The following PPP2R3B variants were observed in gnomAD, a reference collection of about 807,000 sequenced individuals.
PPP2R3B encodes the protein serine/threonine-protein phosphatase 2A regulatory subunit B'' subunit beta.
A neutral mutation model predicts 72.9 loss-of-function variants in PPP2R3B; 68 were observed. That is an observed-to-expected ratio of 0.93 (90% CI 0.77 to 1.14). PPP2R3B has a LOEUF of 1.14. Among genes scored for constraint, PPP2R3B ranks in the 50% most tolerant of loss-of-function variants. The probability of loss-of-function intolerance (pLI) is 0.00; values close to 1 mark genes in which losing one functional copy is unlikely to be tolerated. For missense variants in PPP2R3B, 1,018 were observed against 842.0 expected, an observed-to-expected ratio of 1.21 and a Z score of -2.59; for synonymous variants, 466 against 375.8, an observed-to-expected ratio of 1.24 and a Z score of -2.78.
At chrX:359,849 G>A (rs774125220) in intron 2 of PPP2R3B, 1 of 515,096 alleles carries the variant, frequency 1.9e-6, no homozygotes, top group Non-Finnish European at 3.9e-6. Context: ...TACCTCTGGG[G>A]TAGAAACAGC....
chrX:385,587 C>T (rs2072229857), intron 1 of PPP2R3B, among the ~76,000 whole-genome samples: 1 of 151,780 alleles, frequency 6.6e-6, no homozygotes, highest in Non-Finnish European at 1.5e-5. Context: ...AATTCCAGAG[C>T]ACTCTAGGTA....
chrX:367,651 G>C (rs1022319745), intron 1 of PPP2R3B, among the ~76,000 whole-genome samples: 5 of 152,196 alleles, frequency 3.3e-5, no homozygotes, highest in Admixed American at 2.0e-4. Flanking sequence ...AAAAAGAGCA[G>C]GAGACAGAGG....
intron 2 of PPP2R3B, among the ~76,000 whole-genome samples, chrX:354,011 A>ACCCAGGGAGCAGGGGCTCG (rs2071386723): frequency 9.1e-5 from 10 of 110,052 alleles, no homozygotes; most frequent in Non-Finnish European, 7.0e-5. Flanking sequence ...ACCGGGGCTC[A>ACCCAGGGAGCAGGGGCTCG]CCCAGGGAGC....
intron 7 of PPP2R3B, among the ~76,000 whole-genome samples, chrX:344,123 A>G (rs764149022): frequency 0.029 from 1,213 of 41,474 alleles, 165 homozygotes; most frequent in Middle Eastern, 0.05. Context: ...GACCTCACCA[A>G]CGGGAGGCGG....
intron 2 of PPP2R3B, among the ~76,000 whole-genome samples, chrX:349,553 C>T (rs55849724): frequency 0.035 from 5,361 of 152,250 alleles, 348 homozygotes; most frequent in African/African-American, 0.12. Context: ...AAAGATACGA[C>T]GACGGGTAAG....
At chrX:341,431 C>A in intron 8 of PPP2R3B, 35 bp from the exon 9 acceptor site, 1 of 1,603,812 alleles carries the variant, frequency 6.2e-7, no homozygotes, top group Non-Finnish European at 8.5e-7. Context: ...GACGAAGATG[C>A]ATGTCAGGGA....
intron 2 of PPP2R3B, among the ~76,000 whole-genome samples, chrX:356,020 A>C (rs2071427013): frequency 6.6e-6 from 1 of 152,200 alleles, no homozygotes; most frequent in South Asian, 2.1e-4. Flanking sequence ...AAATGAAAAA[A>C]AGGCAAACTG....
chrX:361,463 G>A lies in PPP2R3B; in HGVS notation c.452C>T (p.Thr151Ile). Reference sequence around the variant, plus strand: ...CCTCTCGTGGGGGAACCGGGCGAAGGTGCTCTCGATCTTGCTGATGACGGC... The same window carrying A: ...CCTCTCGTGGGGGAACCGGGCGAAGATGCTCTCGATCTTGCTGATGACGGC... ...VDAVISKIES[T>I]FARFPHERAT... Residue 151 changes from threonine (T) to isoleucine (I), a missense_variant, in exon 2 of 13, where the codon ACC becomes ATC. Thr to Ile is a moderately conservative substitution (Grantham distance 89, BLOSUM62 -1). Transcript: ENST00000390665. The A allele has an allele frequency of 6.2e-7, 1 of 1,614,010 alleles. No homozygotes were observed. The highest frequency in any genetic ancestry group is 8.5e-7 in the Non-Finnish European group (1 of 1,179,868).
chrX:351,919 C>G (rs1014576918), intron 2 of PPP2R3B, among the ~76,000 whole-genome samples: 5 of 152,072 alleles, frequency 3.3e-5, no homozygotes, highest in African/African-American at 1.2e-4. Context: ...GGTCTGGAAC[C>G]CTTGGCCGCA....
At chrX:341,689 T>A in intron 8 of PPP2R3B, 194 bp downstream of exon 8, 1 of 707,678 alleles carries the variant, frequency 1.4e-6, no homozygotes, top group Non-Finnish European at 2.5e-6. Context: ...TCCTCAGACT[T>A]CGCGTGACAG....
At chrX:384,982 C>CAAA (rs773590401) in intron 1 of PPP2R3B, among the ~76,000 whole-genome samples, 879 of 62,876 alleles carry the variant, frequency 0.014, 44 homozygotes, top group African/African-American at 0.046. Context: ...GAATCTGTCT[C>CAAA]AAAAAAAAAA....
chrX:375,631 C>T (rs779066869), intron 1 of PPP2R3B, among the ~76,000 whole-genome samples: 172 of 152,318 alleles, frequency 1.1e-3, no homozygotes, highest in African/African-American at 3.6e-3. Flanking sequence ...GCAGAGGTGC[C>T]GCCCCTTCAG....
intron 2 of PPP2R3B, among the ~76,000 whole-genome samples, chrX:351,141 G>T (rs1161033310): frequency 1.3e-5 from 2 of 152,108 alleles, no homozygotes; most frequent in Admixed American, 1.3e-4. Context: ...GGCTGGAGGG[G>T]CCGGGCCCCG....
At chrX:362,760 G>T (rs1477532583) in intron 1 of PPP2R3B, among the ~76,000 whole-genome samples, 1 of 152,110 alleles carries the variant, frequency 6.6e-6, no homozygotes, top group African/African-American at 2.4e-5. Flanking sequence ...CCAAGCTCCA[G>T]TGTCCACACA....
At chrX:357,194 G>A (rs1285628413) in intron 2 of PPP2R3B, among the ~76,000 whole-genome samples, 1 of 151,796 alleles carries the variant, frequency 6.6e-6, no homozygotes, top group African/African-American at 2.4e-5. Flanking sequence ...GAAAAGAGGG[G>A]AATGATGAGG....
chrX:345,056 G>A, intron 7 of PPP2R3B: 1 of 403,460 alleles, frequency 2.5e-6, no homozygotes, highest in Non-Finnish European at 4.9e-6. Flanking sequence ...GAGGACACCT[G>A]GGCGGCACCG....
intron 1 of PPP2R3B, among the ~76,000 whole-genome samples, chrX:364,832 G>A (rs1461267065): frequency 2.0e-5 from 1 of 50,776 alleles, no homozygotes; most frequent in Non-Finnish European, 3.3e-5. Context: ...GCAGTGAGCT[G>A]AGATCGCACC....
intron 5 of PPP2R3B, 153 bp from the exon 6 acceptor site, chrX:346,413 G>C: frequency 1.4e-6 from 1 of 740,522 alleles, no homozygotes; most frequent in Non-Finnish European, 2.1e-6. Context: ...GGCCCTGCGG[G>C]AGGCGCCGCC....
chrX:349,509 G>A (rs1420605373), intron 2 of PPP2R3B, among the ~76,000 whole-genome samples: 1 of 152,208 alleles, frequency 6.6e-6, no homozygotes, highest in Non-Finnish European at 1.5e-5. Context: ...CCGCCTGGAC[G>A]GCCGAGCCAG....
Sources: gnomAD v4.1 joint callset for allele counts (sites outside exome capture counted in the v4.1 genomes callset) on GRCh38, gnomAD v4.1.1 for gene constraint, MANE v1.5 for transcripts, NCBI Gene and HGNC (gene_info 2026-07-23, HGNC 2026-07-21) for gene names.